The following PPP1R2 variants were observed in gnomAD, a reference collection of about 807,000 sequenced individuals.
PPP1R2 encodes the protein protein phosphatase 1 regulatory inhibitor subunit 2.
A neutral mutation model predicts 29.9 loss-of-function variants in PPP1R2; 16 were observed. That is an observed-to-expected ratio of 0.53 (90% CI 0.36 to 0.81). PPP1R2 has a LOEUF of 0.81. Ranked by LOEUF, PPP1R2 falls within the 30% of genes least tolerant of loss-of-function variation. The pLI, the probability that PPP1R2 is intolerant of heterozygous loss-of-function variation, is 0.00. For missense variants in PPP1R2, 197 were observed against 252.7 expected (o/e 0.78, Z 1.49); for synonymous variants, 76 against 91.5 (o/e 0.83, Z 0.96).
At chr3:195,518,946 A>G in intron 5 of PPP1R2, 72 bp downstream of exon 5, 3 of 1,556,644 alleles carry the variant, frequency 1.9e-6, no homozygotes, top group Non-Finnish European at 2.6e-6. Flanking sequence ...ACAAGTTTAA[A>G]GCAAAATAAA....
intron 3 of PPP1R2, 147 bp downstream of exon 3, chr3:195,524,672 G>GA (rs967430055): frequency 1.2e-5 from 8 of 692,856 alleles, no homozygotes; most frequent in Non-Finnish European, 1.9e-5. Context: ...AAAAAAGGGG[G>GA]AAAAAAGGAA....
At chr3:195,521,659 T>A (rs1718768414) in intron 4 of PPP1R2, among the ~76,000 whole-genome samples, 1 of 152,162 alleles carries the variant, frequency 6.6e-6, no homozygotes, top group Non-Finnish European at 1.5e-5. Context: ...TGTACTTATT[T>A]ATTTTTTTAA....
intron 1 of PPP1R2, among the ~76,000 whole-genome samples, chr3:195,537,481 T>TTTTTTTTGTGTGTGTG (rs150119072): frequency 7.8e-6 from 1 of 128,574 alleles, no homozygotes; most frequent in African/African-American, 3.0e-5. Context: ...GGATTAGCTA[T>TTTTTTTTGTGTGTGTG]TGTGTGTGTG....
Position 195,524,809 on chromosome 3 carries a change from T to C in PPP1R2, c.308+10A>G. 1.2e-6 allele frequency: 2 copies of C among 1,613,784 alleles called. No homozygotes were observed. The highest frequency in any genetic ancestry group is 2.2e-5 in the South Asian group (2 of 91,050). On this transcript the variant is annotated intron_variant, in intron 3 of 5. Transcript: ENST00000618156. ...CTAAGTGAAAATGTGCTCCGGTCAT[T>C]AGTACTTACTTCCTGGCTAAGATGT...
In PPP1R2 at chr3:195,540,684, G is replaced by A. The variant is rs551534865; in HGVS notation, c.122+2220C>T. ...AGTGGTTCTGGTGGCTTTATAAGAA[G>A]AGGAAGAGAGACCTGAGCTGGCACG... On this transcript the variant is annotated intron_variant, in intron 1 of 5. Coordinates refer to ENST00000618156, the MANE Select transcript of PPP1R2 (RefSeq NM_006241.8). Among the ~76,000 whole-genome samples the A allele has an allele frequency of 4.6e-5, 7 of 152,202 alleles. No individual in the cohort carries two copies. The South Asian group carries it at 8.3e-4, about 18-fold the overall frequency.
chr3:195,534,152 C>T (rs1038517048), intron 1 of PPP1R2, among the ~76,000 whole-genome samples: 1 of 152,022 alleles, frequency 6.6e-6, no homozygotes, highest in South Asian at 2.1e-4. Context: ...ACTATCTCTA[C>T]AAAAAATTTT....
intron 4 of PPP1R2, among the ~76,000 whole-genome samples, chr3:195,520,688 T>A (rs1347008673): frequency 6.6e-6 from 1 of 152,180 alleles, no homozygotes; most frequent in East Asian, 1.9e-4. Flanking sequence ...CTTCTTTTTT[T>A]TAAATTTTAA....
chr3:195,524,865 C>T lies in PPP1R2; in HGVS notation c.262G>A (p.Asp88Asn). The change falls in exon 3 of 6, where the codon GAC becomes AAC. Residue 88 changes from aspartate (D) to asparagine (N), a missense_variant. Around this residue, in one of 3 missense-constraint regions of PPP1R2, gnomAD observed 135 missense variants for 163.0 expected, o/e 0.83. Transcript: ENST00000618156. ...GCCATGGCTTCAGTGGCCTCGGTGT[C>T]ACTACAGGCATCTTCATCATCCCCC... ...MMGDDEDACS[D>N]TEATEAMAPD... is the part of the protein sequence containing the mutation. The T allele has an allele frequency of 6.2e-7, 1 of 1,614,122 alleles. No homozygotes were observed. Among genetic ancestry groups the T allele is most frequent in the Non-Finnish European group, 8.5e-7 (1 of 1,180,008 alleles).
In PPP1R2 at chr3:195,529,910, A is replaced by T; in HGVS notation, c.123-9T>A. On this transcript the variant is annotated splice_polypyrimidine_tract_variant and intron_variant, in intron 1 of 5. Coordinates refer to ENST00000618156, the MANE Select transcript of PPP1R2 (RefSeq NM_006241.8). ...ACTTCTGGGATTTTTTGCTAAAATTAAAAAGAAAAAACGTTTTTCCCAATG... is the reference window on the plus strand; with the variant it reads ...ACTTCTGGGATTTTTTGCTAAAATTTAAAAGAAAAAACGTTTTTCCCAATG... 2 of 1,587,150 alleles carry T rather than the reference A, an allele frequency of 1.3e-6. No homozygotes were observed. The highest frequency in any genetic ancestry group is 8.6e-7 in the Non-Finnish European group (1 of 1,165,568).
chr3:195,542,585 T>C (rs1719636072), intron 1 of PPP1R2, among the ~76,000 whole-genome samples: 1 of 152,150 alleles, frequency 6.6e-6, no homozygotes, highest in Admixed American at 6.5e-5. Context: ...AGAGATGAGG[T>C]TAAGAAATAG....
At chr3:195,519,515 A>G (rs1189768602) in intron 4 of PPP1R2, 1 of 217,550 alleles carries the variant, frequency 4.6e-6, no homozygotes, top group Non-Finnish European at 8.9e-6. Flanking sequence ...TTACAACACC[A>G]TATACTATAT....
chr3:195,514,948 C>T lies in PPP1R2; in HGVS notation c.*1948G>A, dbSNP rs1718489733. On this transcript the variant is annotated 3_prime_UTR_variant, in exon 6 of 6. Coordinates refer to ENST00000618156, the MANE Select transcript of PPP1R2 (RefSeq NM_006241.8). ...ATTTCAAAAAATAGTTTGTAGAAAACACAAAAAGAATCAACTGTTTAAAGT... is the reference window on the plus strand; with the variant it reads ...ATTTCAAAAAATAGTTTGTAGAAAATACAAAAAGAATCAACTGTTTAAAGT... The T allele has an allele frequency of 6.1e-6, 1 of 164,300 alleles. No individual in the cohort carries two copies. The highest frequency in any genetic ancestry group is 1.8e-4 in the South Asian group (1 of 5,518). The allele number at this position is 164,300 out of a possible 1,614,324, so 10.2% of individuals were successfully genotyped here. A position where few individuals can be genotyped will look rare whatever the true frequency, so the allele number is the denominator to read the frequency against.
At chr3:195,536,788 C>CAAAA (rs10717955) in intron 1 of PPP1R2, among the ~76,000 whole-genome samples, 12 of 72,474 alleles carry the variant, frequency 1.7e-4, no homozygotes, top group African/African-American at 3.0e-4. Context: ...AACTCCGTCT[C>CAAAA]AAAAAAAAAA....
At chr3:195,517,067 C>T in intron 5 of PPP1R2, 125 bp from the exon 6 acceptor site, 2 of 721,780 alleles carry the variant, frequency 2.8e-6, no homozygotes, top group Non-Finnish European at 4.8e-6. Context: ...AGGTATATTT[C>T]ATGTAGGCTG....
At chr3:195,519,279 C>T in intron 4 of PPP1R2, 94 bp from the exon 5 acceptor site, 1 of 975,372 alleles carries the variant, frequency 1.0e-6, no homozygotes, top group South Asian at 1.7e-5. Flanking sequence ...CAGTGATGCT[C>T]ATTTGTTTTT....
At chr3:195,537,814 C>CA (rs1404234675) in intron 1 of PPP1R2, among the ~76,000 whole-genome samples, 2 of 151,558 alleles carry the variant, frequency 1.3e-5, no homozygotes, top group Non-Finnish European at 2.9e-5. Context: ...TATTCAGATC[C>CA]AAAAAAAGAC....
intron 1 of PPP1R2, among the ~76,000 whole-genome samples, chr3:195,538,783 C>T (rs180953575): frequency 6.6e-6 from 1 of 152,090 alleles, no homozygotes; most frequent in Admixed American, 6.5e-5. Flanking sequence ...ATTTCTATTA[C>T]AATAAGACTA....
chr3:195,524,990 A>T, intron 2 of PPP1R2, 94 bp from the exon 3 acceptor site: 1 of 966,062 alleles, frequency 1.0e-6, no homozygotes, highest in Non-Finnish European at 1.7e-6. Context: ...CCTACTTAAC[A>T]TATCAATATA....
chr3:195,542,779 G>T, intron 1 of PPP1R2, 125 bp downstream of exon 1: 1 of 1,181,166 alleles, frequency 8.5e-7, no homozygotes, highest in Non-Finnish European at 1.1e-6. Context: ...CGGCTAGCCG[G>T]GCAGGAGAAG....
Sources: allele counts gnomAD v4.1 joint callset (sites outside exome capture counted in the v4.1 genomes callset), GRCh38; gene constraint gnomAD v4.1.1; regional missense constraint gnomAD v4.1.1; transcripts MANE v1.5; gene names NCBI Gene and HGNC (gene_info 2026-07-23, HGNC 2026-07-21).